GALNT2: variants seen among roughly 807,000 people sequenced by gnomAD.
GALNT2 encodes polypeptide N-acetylgalactosaminyltransferase 2.
Under a neutral mutation model 81.4 loss-of-function variants are expected in GALNT2, and 31 were observed. The observed-to-expected ratio is 0.38, with a 90% CI of 0.29 to 0.51. GALNT2 has a LOEUF of 0.51. Among genes scored for constraint, GALNT2 ranks in the 20% least tolerant of loss-of-function variants. The pLI is 0.87. For synonymous variants in GALNT2, 303 were observed against 287.4 expected (o/e 1.05, Z -0.55); for missense variants, 629 against 765.7 (o/e 0.82, Z 2.11).
chr1:230,236,341 G>C lies in GALNT2; in HGVS notation c.474-12G>C. On this transcript the variant is annotated splice_polypyrimidine_tract_variant and intron_variant, in intron 4 of 15. Transcript: ENST00000366672. ...AAAGACCTATAAACTTTATCTTCTTGTCTTTTCTTAGCGTGCTTAAGAAAA... is the reference window on the plus strand; with the variant it reads ...AAAGACCTATAAACTTTATCTTCTTCTCTTTTCTTAGCGTGCTTAAGAAAA... The C allele has an allele frequency of 6.2e-7, 1 of 1,612,940 alleles. No homozygotes were observed. Among genetic ancestry groups the C allele is most frequent in the Non-Finnish European group, 8.5e-7 (1 of 1,179,386 alleles).
chr1:230,222,151 T>A (rs1026286320), intron 3 of GALNT2, among the ~76,000 whole-genome samples: 4 of 151,440 alleles, frequency 2.6e-5, no homozygotes, highest in Admixed American at 2.6e-4. Context: ...CTCAGCCTCC[T>A]GAGTAGCTGG....
At position 230,265,333 on chromosome 1, in the gene GALNT2, G is replaced by C. The variant is rs1281240445; in HGVS notation, c.1406G>C (p.Gly469Ala). ...GGACACTTTGCTGATGGTGTGGTTGGAGTTTATGAATGTCACAATGCTGGG... is the reference window on the plus strand; with the variant it reads ...GGACACTTTGCTGATGGTGTGGTTGCAGTTTATGAATGTCACAATGCTGGG... ...TLGHFADGVV[G>A]VYECHNAGGN... is the part of the protein sequence containing the mutation. The change falls in exon 14 of 16, where the codon GGA (glycine) becomes GCA (alanine). Residue 469 changes from glycine to alanine, a missense_variant. By Grantham distance (60) the Gly-to-Ala change is moderately conservative. Coordinates refer to ENST00000366672, the MANE Select transcript of GALNT2 (RefSeq NM_004481.5). The C allele has an allele frequency of 1.9e-6, 3 of 1,614,214 alleles. No homozygotes were observed. The highest frequency in any genetic ancestry group is 2.5e-6 in the Non-Finnish European group (3 of 1,180,042).
chr1:230,081,818 A>G (rs1338817687), intron 1 of GALNT2, among the ~76,000 whole-genome samples: 1 of 152,238 alleles, frequency 6.6e-6, no homozygotes, highest in East Asian at 1.9e-4. Flanking sequence ...AGGATGGCAC[A>G]GTGGTTGGGA....
chr1:230,157,924 A>G (rs1348230574), intron 1 of GALNT2, among the ~76,000 whole-genome samples: 2 of 152,182 alleles, frequency 1.3e-5, no homozygotes, highest in Admixed American at 6.5e-5. Context: ...GCAGATGTCA[A>G]AGCTCCCAGA....
In GALNT2 at chr1:230,160,587, G is replaced by A. The variant is rs147336547; in HGVS notation, c.127-17631G>A. ...AAATTAGCCGGTCGTGGTAGTGGGC[G>A]CCTGTAATCCCAGCTACTCAGGAAG... On this transcript the variant is annotated intron_variant, in intron 1 of 15. Coordinates refer to ENST00000366672, the MANE Select transcript of GALNT2 (RefSeq NM_004481.5). Among the ~76,000 whole-genome samples the A allele has an allele frequency of 5.9e-5, 9 of 152,040 alleles. No individual in the cohort carries two copies. In the South Asian group the frequency reaches 1.0e-3, roughly 18 times the overall value.
chr1:230,071,028 A>T (rs1385958316), intron 1 of GALNT2, among the ~76,000 whole-genome samples: 4 of 152,074 alleles, frequency 2.6e-5, no homozygotes, highest in Admixed American at 6.6e-5. Context: ...TTCTTACCTC[A>T]TGGCCTTGTT....
At chr1:230,245,981 C>A in intron 7 of GALNT2, 82 bp from the exon 8 acceptor site, 3 of 1,182,568 alleles carry the variant, frequency 2.5e-6, no homozygotes, top group Non-Finnish European at 2.5e-6. Context: ...CCTGTGCCTG[C>A]CTAATACTAA....
chr1:230,231,567 A>G (rs1664866499), intron 3 of GALNT2, among the ~76,000 whole-genome samples: 1 of 152,178 alleles, frequency 6.6e-6, no homozygotes, highest in Admixed American at 6.5e-5. Context: ...CCCAGGTATA[A>G]CGTCTGCCCT....
At chr1:230,220,128 C>T (rs993604989) in intron 3 of GALNT2, among the ~76,000 whole-genome samples, 3 of 152,166 alleles carry the variant, frequency 2.0e-5, no homozygotes, top group Admixed American at 1.3e-4. Flanking sequence ...TGTACTCAAA[C>T]ACACTAATGT....
chr1:230,223,458 T>G (rs1407139334), intron 3 of GALNT2, among the ~76,000 whole-genome samples: 1 of 152,114 alleles, frequency 6.6e-6, no homozygotes, highest in Non-Finnish European at 1.5e-5. Context: ...TAGCCATTTT[T>G]TTTTTAATTT....
At chr1:230,067,704 C>G (rs1659241539) in intron 1 of GALNT2, among the ~76,000 whole-genome samples, 2 of 152,110 alleles carry the variant, frequency 1.3e-5, no homozygotes, top group South Asian at 4.1e-4. Context: ...GGAGCCCCAT[C>G]CCCTGCGGTT....
intron 8 of GALNT2, among the ~76,000 whole-genome samples, chr1:230,247,079 A>G (rs75443281): frequency 1.7e-5 from 2 of 119,226 alleles, no homozygotes; most frequent in Non-Finnish European, 1.9e-5. Flanking sequence ...TGTCTCTATT[A>G]AAAAAAAAAA....
chr1:230,065,923 A>G (rs972498976), upstream of GALNT2, among the ~76,000 whole-genome samples: 3 of 152,118 alleles, frequency 2.0e-5, no homozygotes, highest in Non-Finnish European at 2.9e-5. Context: ...TCCCTTGATC[A>G]ATAAGGCACC....
At chr1:230,130,217 T>C (rs945586029) in intron 1 of GALNT2, among the ~76,000 whole-genome samples, 1 of 152,222 alleles carries the variant, frequency 6.6e-6, no homozygotes, top group Non-Finnish European at 1.5e-5. Context: ...CTTTCTTCTG[T>C]AAGCTAAACC....
intron 1 of GALNT2, among the ~76,000 whole-genome samples, chr1:230,144,512 C>T (rs11122400): frequency 7.9e-5 from 12 of 152,012 alleles, no homozygotes; most frequent in Admixed American, 7.2e-4. Flanking sequence ...ATAATTATGT[C>T]GACTTCAGTA....
At chr1:230,248,433 G>A (rs769972120) in intron 8 of GALNT2, among the ~76,000 whole-genome samples, 2 of 152,184 alleles carry the variant, frequency 1.3e-5, no homozygotes, top group Non-Finnish European at 2.9e-5. Context: ...AGCTTCCGCA[G>A]GTGGAGCCTG....
chr1:230,100,799 A>G (rs992260881), intron 1 of GALNT2, among the ~76,000 whole-genome samples: 4 of 152,258 alleles, frequency 2.6e-5, no homozygotes, highest in African/African-American at 4.8e-5. Context: ...ATATGTACAT[A>G]TAAGTGTATA....
At position 230,062,033 on chromosome 1, in the gene GALNT2, C is replaced by CTTAT. The variant is rs547569623; in HGVS notation, n.89+3970_89+3973dup. ...GCTATATGTGTTCACGGACGTCTTC[C>CTTAT]TTATTTATTTATTTATTTTTGTAGT... On this transcript the variant is annotated intron_variant and non_coding_transcript_variant, in intron 1 of 6. Coordinates refer to the GALNT2 transcript ENST00000494106. Among the ~76,000 whole-genome samples, 305 of 152,174 alleles carry CTTAT rather than the reference C, an allele frequency of 2.0e-3. 3 individuals are homozygous for CTTAT. The highest frequency in any genetic ancestry group is 7.1e-3 in the African/African-American group (294 of 41,536).
In GALNT2 at chr1:230,093,494, C is replaced by T. The variant is rs550054267; in HGVS notation, c.126+26088C>T. Among the ~76,000 whole-genome samples, 167 of 152,310 alleles carry T rather than the reference C, an allele frequency of 1.1e-3. 1 individual carries two copies. Among genetic ancestry groups the T allele is most frequent in the South Asian group, 2.3e-3 (11 of 4,830 alleles). On this transcript the variant is annotated intron_variant, in intron 1 of 15. Coordinates refer to ENST00000366672, the MANE Select transcript of GALNT2 (RefSeq NM_004481.5). ...GACCTGGCCAAGGGTAAAACTAGATCGGCTGCGGGCTGTGTTCCCTGGGCT... is the reference window on the plus strand; with the variant it reads ...GACCTGGCCAAGGGTAAAACTAGATTGGCTGCGGGCTGTGTTCCCTGGGCT...
Sources: gnomAD v4.1 joint callset for allele counts (sites outside exome capture counted in the v4.1 genomes callset) on GRCh38, gnomAD v4.1.1 for gene constraint, MANE v1.5 for transcripts, NCBI Gene and HGNC (gene_info 2026-07-23, HGNC 2026-07-21) for gene names.